CNTLN: variants seen among roughly 807,000 people sequenced by gnomAD.
CNTLN encodes the protein centlein, also known as centlein, centrosomal protein.
CNTLN carries 212 observed loss-of-function variants against 180.0 expected under a neutral mutation model. That is an observed-to-expected ratio of 1.18 (90% CI 1.05 to 1.32). The LOEUF (loss-of-function observed/expected upper bound fraction) is 1.32. Among genes scored for constraint, CNTLN ranks in the 40% most tolerant of loss-of-function variants. CNTLN has a pLI of 0.00. For missense variants in CNTLN, 2,095 were observed against 1,610.9 expected (o/e 1.30, Z -5.14); for synonymous variants, 722 against 563.1 (o/e 1.28, Z -3.99).
At chr9:17,484,774 A>G (rs537656436) in intron 24 of CNTLN, among the ~76,000 whole-genome samples, 127 of 152,238 alleles carry the variant, frequency 8.3e-4, no homozygotes, top group African/African-American at 2.1e-3. Context: ...ATCATATTAT[A>G]TATCATGTAA....
At chr9:17,395,878 G>C (rs1826476288) in intron 15 of CNTLN, among the ~76,000 whole-genome samples, 1 of 152,178 alleles carries the variant, frequency 6.6e-6, no homozygotes, top group African/African-American at 2.4e-5. Flanking sequence ...GCTGAAACCT[G>C]CTGGGCTGCA....
chr9:17,516,102 C>T, the CNTLN span, among the ~76,000 whole-genome samples: 3 of 152,202 alleles, frequency 2.0e-5, no homozygotes, highest in Non-Finnish European at 4.4e-5. Flanking sequence ...CTGGCAGCCA[C>T]ATGATTTTAT....
intron 18 of CNTLN, among the ~76,000 whole-genome samples, chr9:17,442,445 C>T (rs927128814): frequency 6.6e-6 from 1 of 152,198 alleles, no homozygotes; most frequent in African/African-American, 2.4e-5. Flanking sequence ...GTCACCCAGG[C>T]TGGAGTGCAG....
chr9:17,337,140 A>C (rs994732109), intron 10 of CNTLN, among the ~76,000 whole-genome samples: 5 of 152,028 alleles, frequency 3.3e-5, no homozygotes, highest in Non-Finnish European at 7.4e-5. Flanking sequence ...TCCTTCGCCC[A>C]CTTTTTGATG....
chr9:17,327,570 A>C (rs937795413), intron 8 of CNTLN, among the ~76,000 whole-genome samples: 1 of 150,884 alleles, frequency 6.6e-6, no homozygotes, highest in Non-Finnish European at 1.5e-5. Flanking sequence ...TTGTGAAGAG[A>C]CTTTTATTTA....
At chr9:17,474,902 C>T (rs185600815) in intron 23 of CNTLN, among the ~76,000 whole-genome samples, 419 of 151,910 alleles carry the variant, frequency 2.8e-3, no homozygotes, top group African/African-American at 9.8e-3. Flanking sequence ...CCAATTACTC[C>T]CTTACTCTAG....
intron 16 of CNTLN, 118 bp from the exon 17 acceptor site, chr9:17,415,670 T>A (rs887724803): frequency 2.7e-6 from 2 of 728,174 alleles, no homozygotes; most frequent in Non-Finnish European, 4.6e-6. Context: ...TCCCACAGAC[T>A]TAAAAAAAAT....
chr9:17,301,088 G>A (rs1460991617), intron 7 of CNTLN: 5 of 985,274 alleles, frequency 5.1e-6, no homozygotes, highest in Non-Finnish European at 6.0e-6. Context: ...AGCTCTCCTT[G>A]ATGGTGTCAT....
chr9:17,270,480 A>G (rs561651512), intron 5 of CNTLN, among the ~76,000 whole-genome samples: 6 of 152,302 alleles, frequency 3.9e-5, no homozygotes. Flanking sequence ...TAAATTACCC[A>G]AATCTTTCTT....
At chr9:17,427,916 T>G (rs79220987) in intron 18 of CNTLN, among the ~76,000 whole-genome samples, 1,859 of 152,282 alleles carry the variant, frequency 0.012, 40 homozygotes, top group African/African-American at 0.042. Context: ...GTCCATGAAG[T>G]ATAATGGGAA....
At chr9:17,186,331 G>T (rs1821434008) in intron 2 of CNTLN, among the ~76,000 whole-genome samples, 1 of 152,056 alleles carries the variant, frequency 6.6e-6, no homozygotes, top group Non-Finnish European at 1.5e-5. Context: ...TTAGAAACTG[G>T]GTAGTTGTCA....
intron 7 of CNTLN, among the ~76,000 whole-genome samples, chr9:17,306,204 C>T (rs1011895519): frequency 6.3e-5 from 9 of 142,940 alleles, no homozygotes; most frequent in African/African-American, 2.1e-4. Flanking sequence ...GGCTGGAGTG[C>T]AATGGCACGA....
At chr9:17,260,034 G>C (rs151213648) in intron 5 of CNTLN, among the ~76,000 whole-genome samples, 2,740 of 142,804 alleles carry the variant, frequency 0.019, 229 homozygotes, top group African/African-American at 0.073. Flanking sequence ...AATGTGTTTG[G>C]TCTTGCTTTT....
At chr9:17,158,046 C>A (rs933842961) in intron 2 of CNTLN, among the ~76,000 whole-genome samples, 9 of 152,188 alleles carry the variant, frequency 5.9e-5, no homozygotes, top group African/African-American at 2.2e-4. Context: ...CAAGATAGCT[C>A]ATTTATGTAT....
chr9:17,505,354 G>A (rs1439850683), downstream of CNTLN, among the ~76,000 whole-genome samples: 4 of 151,866 alleles, frequency 2.6e-5, no homozygotes, highest in Non-Finnish European at 4.4e-5. Context: ...GAAATAAAAG[G>A]CATCCAGATT....
At chr9:17,480,000 G>T (rs909069855) in intron 23 of CNTLN, among the ~76,000 whole-genome samples, 2 of 152,086 alleles carry the variant, frequency 1.3e-5, no homozygotes, top group Non-Finnish European at 2.9e-5. Context: ...CATGTTGGTT[G>T]CTTGAAATCA....
intron 5 of CNTLN, among the ~76,000 whole-genome samples, chr9:17,265,859 G>T (rs1237920347): frequency 1.3e-5 from 2 of 152,106 alleles, no homozygotes; most frequent in African/African-American, 2.4e-5. Flanking sequence ...ATGGTTGTTT[G>T]TATTTCTGTG....
chr9:17,266,233 C>G (rs1010538660), intron 5 of CNTLN, among the ~76,000 whole-genome samples: 1 of 152,052 alleles, frequency 6.6e-6, no homozygotes, highest in Admixed American at 6.6e-5. Flanking sequence ...TTCTGGTATG[C>G]TGTGTCTTTG....
At position 17,375,591 on chromosome 9, in the gene CNTLN, T is replaced by A. The variant is rs142352301; in HGVS notation, c.1987+8874T>A. Among the ~76,000 whole-genome samples the A allele has an allele frequency of 6.2e-4, 94 of 152,334 alleles. 1 individual carries two copies. In the East Asian group the frequency reaches 0.01, roughly 16 times the overall value. ...ATTTTTATTATTCATTGATAAAGTT[T>A]TCCTAGTTTTGTTTGTTTACAGTTT... On this transcript the variant is annotated intron_variant, in intron 13 of 25. Transcript: ENST00000380647.
Sources: gnomAD v4.1 joint callset for allele counts (sites outside exome capture counted in the v4.1 genomes callset) on GRCh38, gnomAD v4.1.1 for gene constraint, MANE v1.5 for transcripts, NCBI Gene and HGNC (gene_info 2026-07-23, HGNC 2026-07-21) for gene names.